Variants in PRUNE1 observed in about 807,000 individuals in gnomAD.
PRUNE1 encodes the protein exopolyphosphatase PRUNE1.
PRUNE1 carries 25 observed loss-of-function variants against 42.5 expected under a neutral mutation model. That is an observed-to-expected ratio of 0.59 (90% CI 0.43 to 0.82). The LOEUF is 0.82. Ranked by LOEUF, PRUNE1 falls within the 40% of genes least tolerant of loss-of-function variation. The pLI, the probability that PRUNE1 is intolerant of heterozygous loss-of-function variation, is 0.00. For synonymous variants in PRUNE1, 203 were observed against 217.1 expected (o/e 0.93, Z 0.57); for missense variants, 443 against 539.3 (o/e 0.82, Z 1.77).
chr1:151,025,523 A>G lies in PRUNE1; in HGVS notation c.529A>G (p.Ile177Val). The G allele has an allele frequency of 6.2e-7, 1 of 1,613,948 alleles. No homozygotes were observed. The highest frequency in any genetic ancestry group is 8.5e-7 in the Non-Finnish European group (1 of 1,179,930). Residue 177 changes from isoleucine to valine, a missense_variant, in exon 5 of 8, where the codon ATC becomes GTC. Physicochemically the swap from Ile to Val is conservative, Grantham distance 29 (BLOSUM62 3). Coordinates refer to ENST00000271620, the MANE Select transcript of PRUNE1 (RefSeq NM_021222.3). ...ATCTCCCTTCTCCACAGGAACCATC[A>G]TCCTGGACTGTGTCAACATGGACCT... ...QTAALLHGTIILDCVNMDLKI... is the reference protein window; with the variant it reads ...QTAALLHGTIVLDCVNMDLKI...
chr1:151,012,603 C>T (rs966408249), intron 1 of PRUNE1, among the ~76,000 whole-genome samples: 1 of 152,050 alleles, frequency 6.6e-6, no homozygotes, highest in Admixed American at 6.6e-5. Context: ...GCTGGGTGTT[C>T]AGGAAGGCTT....
At chr1:151,020,809 G>A (rs1349200936) in intron 3 of PRUNE1, among the ~76,000 whole-genome samples, 28 of 151,568 alleles carry the variant, frequency 1.8e-4, no homozygotes, top group Admixed American at 9.9e-4. Context: ...GTGAAAACCC[G>A]TCTCTACTAA....
rs1209726521 is a variant in PRUNE1, at chr1:151,034,524, A to G, written c.*290A>G. Reference sequence around the variant, plus strand: ...TGTGACATATCTGCAGTCCCAGCACAGTGGGACAAAAAGAATTTAGACCCC... The same window carrying G: ...TGTGACATATCTGCAGTCCCAGCACGGTGGGACAAAAAGAATTTAGACCCC... On this transcript the variant is annotated 3_prime_UTR_variant, in exon 8 of 8. Transcript: ENST00000271620. 5.6e-6 allele frequency: 2 copies of G among 357,892 alleles called. No homozygotes were observed. Among genetic ancestry groups the G allele is most frequent in the Non-Finnish European group, 1.0e-5 (2 of 192,964 alleles). The allele number at this position is 357,892 out of a possible 1,614,324, so 22.2% of individuals were successfully genotyped here. A position where few individuals can be genotyped will look rare whatever the true frequency, so the allele number is the denominator to read the frequency against.
At chr1:151,025,773 C>G in intron 5 of PRUNE1, 100 bp downstream of exon 5, 1 of 1,236,094 alleles carries the variant, frequency 8.1e-7, no homozygotes, top group Non-Finnish European at 1.1e-6. Flanking sequence ...CAGAGTCTTG[C>G]TCTGCCACCC....
At chr1:151,029,358 C>A (rs1675086254) in intron 7 of PRUNE1, among the ~76,000 whole-genome samples, 1 of 141,506 alleles carries the variant, frequency 7.1e-6, no homozygotes, top group Non-Finnish European at 1.5e-5. Flanking sequence ...ATTGCTTAAG[C>A]TGGAAAGTTT....
At chr1:151,030,484 A>G (rs1490519914) in intron 7 of PRUNE1, among the ~76,000 whole-genome samples, 1 of 151,770 alleles carries the variant, frequency 6.6e-6, no homozygotes, top group Non-Finnish European at 1.5e-5. Context: ...AAAGAACTGC[A>G]GTTTTGTCTG....
chr1:151,020,553 A>G (rs1292866830), intron 3 of PRUNE1, among the ~76,000 whole-genome samples: 1 of 152,100 alleles, frequency 6.6e-6, no homozygotes, highest in Non-Finnish European at 1.5e-5. Flanking sequence ...GCTTGAGCCC[A>G]GGAGTTCAAG....
At chr1:151,028,179 A>G (rs1296672526) in intron 6 of PRUNE1, among the ~76,000 whole-genome samples, 1 of 152,000 alleles carries the variant, frequency 6.6e-6, no homozygotes, top group East Asian at 1.9e-4. Flanking sequence ...TTTCCTGACC[A>G]CCCTAACTGA....
At chr1:151,028,511 C>G (rs2102936556) in intron 6 of PRUNE1, among the ~76,000 whole-genome samples, 1 of 152,230 alleles carries the variant, frequency 6.6e-6, no homozygotes, top group South Asian at 2.1e-4. Flanking sequence ...GCAACTTCCG[C>G]CTCCCTGGTT....
At chr1:151,013,984 T>C (rs964375188) in intron 1 of PRUNE1, among the ~76,000 whole-genome samples, 1 of 117,994 alleles carries the variant, frequency 8.5e-6, no homozygotes, top group Non-Finnish European at 1.8e-5. Context: ...GCTTCCACAC[T>C]TTTTTTTTTT....
rs1292802910 is a variant in PRUNE1, at chr1:151,024,667, AGCCGAAACACT to A, written c.396_406del (p.Lys133SerfsTer7). On this transcript the variant is annotated frameshift_variant, in exon 4 of 8. Transcript: ENST00000271620. LOFTEE classifies it high-confidence loss of function. ...GAGGTGCTAGACCATCGACCCATCG[AGCCGAAACACT>A]GCCCTCCCTGCCATGTTTCAGTTGA... 3.1e-6 allele frequency: 5 copies of A among 1,613,686 alleles called. No individual in the cohort carries two copies. Among genetic ancestry groups the A allele is most frequent in the Non-Finnish European group, 4.2e-6 (5 of 1,179,754 alleles).
chr1:151,018,515 T>A lies in PRUNE1; in HGVS notation c.181T>A (p.Ser61Thr). The A allele has an allele frequency of 6.2e-7, 1 of 1,613,930 alleles. No homozygotes were observed. The highest frequency in any genetic ancestry group is 8.5e-7 in the Non-Finnish European group (1 of 1,179,818). Residue 61 changes from serine (S) to threonine (T), a missense_variant, in exon 3 of 8, where the codon TCT becomes ACT. Ser to Thr is a moderately conservative substitution (Grantham distance 58). Coordinates refer to ENST00000271620, the MANE Select transcript of PRUNE1 (RefSeq NM_021222.3). ...VFVPVLNIKR[S>T]ELPLRGDIVF... Reference sequence around the variant, plus strand: ...TGTGCCAGTTTTAAATATAAAACGTTCTGAACTACCTCTGCGAGGTGACAT... The same window carrying A: ...TGTGCCAGTTTTAAATATAAAACGTACTGAACTACCTCTGCGAGGTGACAT...
intron 3 of PRUNE1, among the ~76,000 whole-genome samples, chr1:151,023,326 G>A (rs1674595366): frequency 2.0e-5 from 3 of 152,162 alleles, no homozygotes; most frequent in South Asian, 4.1e-4. Flanking sequence ...GAGTGGGGCA[G>A]TAACAGAGAG....
chr1:151,014,884 C>G (rs900294314), intron 1 of PRUNE1, among the ~76,000 whole-genome samples: 6 of 152,144 alleles, frequency 3.9e-5, no homozygotes, highest in African/African-American at 1.2e-4. Flanking sequence ...ATGCACAGGA[C>G]AGCCTCCACA....
At position 151,030,326 on chromosome 1, in the gene PRUNE1, T is replaced by C. The variant is rs587747238; in HGVS notation, c.933+1382T>C. On this transcript the variant is annotated intron_variant, in intron 7 of 7. Transcript: ENST00000271620. ...GGGATTCTGAGGGTTGCCTAGGCTC[T>C]GTGAGGACTGCTAAAGACAGAATAC... Among the ~76,000 whole-genome samples, 5 of 151,756 alleles carry C rather than the reference T, an allele frequency of 3.3e-5. No homozygotes were observed. In the South Asian group the frequency reaches 1.0e-3, roughly 32 times the overall value.
At chr1:151,019,560 A>C (rs1258962817) in intron 3 of PRUNE1, among the ~76,000 whole-genome samples, 1 of 151,222 alleles carries the variant, frequency 6.6e-6, no homozygotes, top group African/African-American at 2.4e-5. Flanking sequence ...CTGTCTCAAA[A>C]AAAAAAAAAA....
rs768932362 is a variant in PRUNE1 at position 151,025,567 on chromosome 1, C to T, written c.573C>T (p.Thr191=). ...VNMDLKIGKA[T]PKDSKYVEKL... ...TGGACCTTAAAATTGGAAAGGCAAC[C>T]CCAAAGGACAGCAAATATGTGGAGA... The change falls in exon 5 of 8, where the codon ACC becomes ACT. Residue 191 remains threonine, a synonymous_variant. Coordinates refer to ENST00000271620, the MANE Select transcript of PRUNE1 (RefSeq NM_021222.3). 4.3e-5 allele frequency: 69 copies of T among 1,613,704 alleles called. No individual in the cohort carries two copies. Among genetic ancestry groups the T allele is most frequent in the Non-Finnish European group, 5.6e-5 (66 of 1,179,858 alleles).
At chr1:151,024,842 C>G (rs200214862) in intron 4 of PRUNE1, 47 bp downstream of exon 4, 251 of 1,544,272 alleles carry the variant, frequency 1.6e-4, no homozygotes, top group Middle Eastern at 3.7e-4. Context: ...TATTCCTGTC[C>G]CTGAGAAGGG....
chr1:151,011,658 G>A (rs764297917), intron 1 of PRUNE1, among the ~76,000 whole-genome samples: 1 of 152,086 alleles, frequency 6.6e-6, no homozygotes, highest in Non-Finnish European at 1.5e-5. Context: ...AAGGGAAGTG[G>A]TTTACTTTGC....
Sources: gnomAD v4.1 joint callset for allele counts (sites outside exome capture counted in the v4.1 genomes callset) on GRCh38, gnomAD v4.1.1 for gene constraint, MANE v1.5 for transcripts, NCBI Gene and HGNC (gene_info 2026-07-23, HGNC 2026-07-21) for gene names.